The following ZBTB11 variants were observed in gnomAD, a reference collection of about 807,000 sequenced individuals.
ZBTB11 encodes the protein zinc finger and BTB domain-containing protein 11.
In ZBTB11, 68 loss-of-function variants were observed where a neutral mutation model predicts 113.1. That is an observed-to-expected ratio of 0.60 (90% CI 0.49 to 0.74). The LOEUF is 0.74. ZBTB11 is among the 30% of genes least tolerant of loss of function. The pLI is 0.00. For synonymous variants in ZBTB11, 518 were observed against 452.6 expected, an observed-to-expected ratio of 1.14 and a Z score of -1.83; for missense variants, 1,104 against 1,279.4, an observed-to-expected ratio of 0.86 and a Z score of 2.09.
intron 1 of ZBTB11, among the ~76,000 whole-genome samples, chr3:101,675,278 T>G (rs976601765): frequency 1.3e-5 from 2 of 152,254 alleles, no homozygotes; most frequent in Non-Finnish European, 2.9e-5. Flanking sequence ...ATTACTTCAT[T>G]ACCTCATAAT....
intron 6 of ZBTB11, among the ~76,000 whole-genome samples, chr3:101,659,568 C>T (rs895988470): frequency 6.6e-6 from 1 of 152,072 alleles, no homozygotes; most frequent in African/African-American, 2.4e-5. Context: ...TAAGTTTTCA[C>T]AAACATCTTA....
chr3:101,669,176 G>T (rs939550848), intron 3 of ZBTB11, among the ~76,000 whole-genome samples: 30 of 152,120 alleles, frequency 2.0e-4, no homozygotes, highest in Non-Finnish European at 4.0e-4. Flanking sequence ...GGGACTACAG[G>T]CATGTGACAC....
rs1262645092 is a variant in ZBTB11, at chr3:101,676,943, G to C, written c.-29C>G. ...GGACCGCGGCTCCCTGAGGGCGCCT[G>C]TCAGGGACAGGTGAGGAAAACGGCC... On this transcript the variant is annotated 5_prime_UTR_variant, in exon 1 of 11. Coordinates refer to ENST00000312938, the MANE Select transcript of ZBTB11 (RefSeq NM_014415.4). 3 of 1,532,982 alleles carry C rather than the reference G, an allele frequency of 2.0e-6. No individual in the cohort carries two copies. The highest frequency in any genetic ancestry group is 2.8e-5 in the African/African-American group (2 of 71,980). The allele number at this position is 1,532,982 out of a possible 1,614,324, so 95.0% of individuals were successfully genotyped here.
chr3:101,674,034 G>GTTTTT (rs34193191), intron 1 of ZBTB11, among the ~76,000 whole-genome samples: 3 of 139,730 alleles, frequency 2.1e-5, no homozygotes, highest in African/African-American at 5.3e-5. Flanking sequence ...CACAGAGACT[G>GTTTTT]TTTTTTTTTT....
At position 101,669,341 on chromosome 3, in the gene ZBTB11, T is replaced by C. The variant is rs72933838; in HGVS notation, c.778+1789A>G. ...GTGCCCAGCCTTATCTACTTAATAT[T>C]TAAATCAAACATATTTTTAAAATAA... On this transcript the variant is annotated intron_variant, in intron 3 of 10. Coordinates refer to ENST00000312938, the MANE Select transcript of ZBTB11 (RefSeq NM_014415.4). Among the ~76,000 whole-genome samples the C allele has an allele frequency of 3.2e-3, 480 of 152,374 alleles. 2 individuals are homozygous for C. Among genetic ancestry groups the C allele is most frequent in the African/African-American group, 0.011 (444 of 41,590 alleles).
At chr3:101,652,721 A>G (rs1433266772) in intron 9 of ZBTB11, 50 bp from the exon 10 acceptor site, 10 of 1,610,826 alleles carry the variant, frequency 6.2e-6, no homozygotes, top group African/African-American at 1.3e-5. Context: ...AGTAGCAGCC[A>G]TAACAATCAG....
At position 101,672,061 on chromosome 3, in the gene ZBTB11, C is replaced by T. The variant is rs1937094431; in HGVS notation, c.463G>A (p.Asp155Asn). The change falls in exon 2 of 11, where the codon GAC becomes AAC. Residue 155 changes from aspartate to asparagine, a missense_variant. Transcript: ENST00000312938. ...SGEESNESED[D>N]LSNFTSSPTT... ...GGAGATGAAGTAAAGTTGCTCAGGT[C>T]ATCTTCCGATTCATTACTTTCTTCT... 5 of 1,614,168 alleles carry T rather than the reference C, an allele frequency of 3.1e-6. No homozygotes were observed. In the South Asian group the frequency reaches 4.4e-5, roughly 14 times the overall value.
chr3:101,666,996 G>GGCT (rs913186396), intron 3 of ZBTB11, among the ~76,000 whole-genome samples: 16 of 152,236 alleles, frequency 1.1e-4, no homozygotes, highest in African/African-American at 3.9e-4. Context: ...TGATAAGCCT[G>GGCT]CCTCGGCCTC....
intron 2 of ZBTB11, 102 bp downstream of exon 2, chr3:101,671,876 T>G (rs553348620): frequency 2.3e-6 from 2 of 858,300 alleles, no homozygotes; most frequent in Admixed American, 3.7e-5. Context: ...TTTGTCTTAT[T>G]CAATAAGCAG....
chr3:101,677,019 G>T lies in ZBTB11; in HGVS notation c.-105C>A. 1 of 1,305,046 alleles carries T rather than the reference G, an allele frequency of 7.7e-7. No homozygotes were observed. Among genetic ancestry groups the T allele is most frequent in the Non-Finnish European group, 1.0e-6 (1 of 975,606 alleles). 80.8% of individuals were successfully genotyped at this position (1,305,046 alleles called of 1,614,324 possible). ...GAGCGGCGGCACCGTAGGGAGAAAC[G>T]GCTGCGCCTTTGGCGAGCGCTCTTC... On this transcript the variant is annotated 5_prime_UTR_variant, in exon 1 of 11. Coordinates refer to ENST00000312938, the MANE Select transcript of ZBTB11 (RefSeq NM_014415.4).
chr3:101,666,231 T>C (rs1170862669), intron 3 of ZBTB11, among the ~76,000 whole-genome samples: 1 of 152,112 alleles, frequency 6.6e-6, no homozygotes, highest in Non-Finnish European at 1.5e-5. Context: ...CAAGTAATAG[T>C]GGTACATATA....
chr3:101,662,500 T>C (rs1244692599), intron 5 of ZBTB11, among the ~76,000 whole-genome samples: 1 of 152,148 alleles, frequency 6.6e-6, no homozygotes, highest in Non-Finnish European at 1.5e-5. Context: ...GGCGCATGCC[T>C]GTAATCCCAG....
chr3:101,657,476 A>G (rs1936818967), intron 6 of ZBTB11, among the ~76,000 whole-genome samples: 2 of 151,312 alleles, frequency 1.3e-5, no homozygotes, highest in Non-Finnish European at 2.9e-5. Flanking sequence ...ACTGCACTCC[A>G]GCCTGCGGAA....
rs1248522591 is a variant in ZBTB11 at position 101,672,161 on chromosome 3, C to T, written c.363G>A (p.Glu121=). ...DYIKQCSKCQ[E]KLDRSRPISD... is the part of the protein sequence containing the mutation. The stretch of plus-strand genomic sequence containing the variant: ...ATATTGGACGGGATCGATCTAGTTT[C>T]TCCTGGCATTTGCTACACTGTTTAA... The change falls in exon 2 of 11, where the codon GAG becomes GAA. Residue 121 remains glutamate, a synonymous_variant. Transcript: ENST00000312938. 1 of 1,614,126 alleles carries T rather than the reference C, an allele frequency of 6.2e-7. No individual in the cohort carries two copies. Among genetic ancestry groups the T allele is most frequent in the Admixed American group, 1.7e-5 (1 of 60,014 alleles).
Position 101,676,969 on chromosome 3 carries a change from CG to C in ZBTB11, c.-56del, listed in dbSNP as rs1937188153. 1 of 1,491,540 alleles carries C rather than the reference CG, an allele frequency of 6.7e-7. No homozygotes were observed. The highest frequency in any genetic ancestry group is 8.9e-7 in the Non-Finnish European group (1 of 1,120,478). 92.4% of individuals were successfully genotyped at this position (1,491,540 alleles called of 1,614,324 possible). A position where few individuals can be genotyped will look rare whatever the true frequency, so the allele number is the denominator to read the frequency against. ...TCAGGGACAGGTGAGGAAAACGGCC[CG>C]CTACCTACGGGCGGCTGCAGGAGGA... On this transcript the variant is annotated 5_prime_UTR_variant, in exon 1 of 11. Coordinates refer to ENST00000312938, the MANE Select transcript of ZBTB11 (RefSeq NM_014415.4).
chr3:101,661,259 T>C (rs1936882222), intron 5 of ZBTB11, among the ~76,000 whole-genome samples: 1 of 150,978 alleles, frequency 6.6e-6, no homozygotes, highest in African/African-American at 2.4e-5. Flanking sequence ...AAAAAATCAT[T>C]ATGTCCTGGG....
chr3:101,663,733 C>G (rs1936931917), intron 5 of ZBTB11, among the ~76,000 whole-genome samples: 1 of 151,828 alleles, frequency 6.6e-6, no homozygotes, highest in Non-Finnish European at 1.5e-5. Flanking sequence ...TATAAAAATA[C>G]AAAAAAATTA....
chr3:101,662,110 G>A (rs561197575), intron 5 of ZBTB11: 1 of 152,044 alleles, frequency 6.6e-6, no homozygotes, highest in African/African-American at 2.4e-5. Flanking sequence ...GTAGAACAAG[G>A]AGTTCGATCT....
At chr3:101,674,992 G>A (rs915755193) in intron 1 of ZBTB11, among the ~76,000 whole-genome samples, 5 of 152,202 alleles carry the variant, frequency 3.3e-5, no homozygotes, top group Non-Finnish European at 7.3e-5. Context: ...AGGATCATCT[G>A]AGCCTAGGAG....
Sources: allele counts gnomAD v4.1 joint callset (sites outside exome capture counted in the v4.1 genomes callset), GRCh38; gene constraint gnomAD v4.1.1; transcripts MANE v1.5; gene names NCBI Gene and HGNC (gene_info 2026-07-23, HGNC 2026-07-21).